Variants in DCC observed in about 807,000 individuals in gnomAD.
The protein encoded by DCC is DCC netrin 1 receptor.
DCC carries 58 observed loss-of-function variants against 172.5 expected under a neutral mutation model. The observed-to-expected ratio is 0.34, with a 90% confidence interval of 0.27 to 0.42. The LOEUF (loss-of-function observed/expected upper bound fraction) is 0.42, where lower values mean the gene tolerates loss of function less well. Ranked by LOEUF, DCC falls within the 10% of genes least tolerant of loss-of-function variation. The probability of loss-of-function intolerance (pLI) is 1.00; values close to 1 mark genes in which losing one functional copy is unlikely to be tolerated. For synonymous variants in DCC, 709 were observed against 644.5 expected, an observed-to-expected ratio of 1.10 and a Z score of -1.52; for missense variants, 1,740 against 1,791.0, an observed-to-expected ratio of 0.97 and a Z score of 0.51.
chr18:52,804,680 C>T (rs2038055719), intron 2 of DCC, among the ~76,000 whole-genome samples: 1 of 152,142 alleles, frequency 6.6e-6, no homozygotes, highest in Non-Finnish European at 1.5e-5. Flanking sequence ...GATTCTCCTG[C>T]TTGAACAGGA....
chr18:53,515,811 AATGGAAGAACATTCC>A (rs1246306979), intron 27 of DCC, among the ~76,000 whole-genome samples: 2 of 151,952 alleles, frequency 1.3e-5, no homozygotes, highest in Non-Finnish European at 2.9e-5. Flanking sequence ...GATACAAACA[AATGGAAGAACATTCC>A]ATGCTCATGG....
At chr18:52,794,794 TTTA>T (rs1568108579) in intron 2 of DCC, among the ~76,000 whole-genome samples, 1 of 151,998 alleles carries the variant, frequency 6.6e-6, no homozygotes, top group Non-Finnish European at 1.5e-5. Context: ...ATGGTCTTTC[TTTA>T]TTATTTTGAA....
At chr18:52,909,321 T>C (rs959426774) in intron 3 of DCC, among the ~76,000 whole-genome samples, 4 of 152,174 alleles carry the variant, frequency 2.6e-5, no homozygotes, top group African/African-American at 9.7e-5. Flanking sequence ...CTATTCAACA[T>C]GGTACCAGAA....
At chr18:52,842,176 T>C (rs1167720319) in intron 2 of DCC, among the ~76,000 whole-genome samples, 1 of 152,122 alleles carries the variant, frequency 6.6e-6, no homozygotes, top group Non-Finnish European at 1.5e-5. Flanking sequence ...CAAACATAAT[T>C]TCTTGTTTTT....
At chr18:53,267,017 TTTG>T (rs1198544595) in intron 12 of DCC, among the ~76,000 whole-genome samples, 5 of 152,000 alleles carry the variant, frequency 3.3e-5, no homozygotes, top group African/African-American at 1.2e-4. Context: ...AATGCGTGTT[TTTG>T]TTTCTTTTTG....
At chr18:53,035,532 G>T (rs2143975609) in intron 5 of DCC, among the ~76,000 whole-genome samples, 1 of 152,112 alleles carries the variant, frequency 6.6e-6, no homozygotes, top group African/African-American at 2.4e-5. Flanking sequence ...TAATATAATT[G>T]TTATTTGAGA....
intron 12 of DCC, among the ~76,000 whole-genome samples, chr18:53,291,530 A>C (rs2057004711): frequency 6.6e-6 from 1 of 152,198 alleles, no homozygotes; most frequent in Admixed American, 6.5e-5. Context: ...AACACAAAGG[A>C]AATAAGAAAT....
At chr18:52,734,260 C>G (rs1163602391) in intron 1 of DCC, among the ~76,000 whole-genome samples, 1 of 152,096 alleles carries the variant, frequency 6.6e-6, no homozygotes, top group Non-Finnish European at 1.5e-5. Flanking sequence ...AGTCTCCTTT[C>G]AGTATCAGAA....
intron 2 of DCC, among the ~76,000 whole-genome samples, chr18:52,895,987 G>T (rs1026436862): frequency 2.0e-5 from 3 of 152,110 alleles, no homozygotes; most frequent in African/African-American, 7.2e-5. Flanking sequence ...GTTTCACCTT[G>T]TTGGCCAGGC....
At chr18:52,735,424 T>A (rs1475184632) in intron 1 of DCC, among the ~76,000 whole-genome samples, 3 of 152,070 alleles carry the variant, frequency 2.0e-5, no homozygotes, top group African/African-American at 7.2e-5. Context: ...ACGGGATAGA[T>A]GAATATATGA....
intron 7 of DCC, among the ~76,000 whole-genome samples, chr18:53,124,385 G>T (rs1177791177): frequency 6.6e-6 from 1 of 152,010 alleles, no homozygotes; most frequent in Non-Finnish European, 1.5e-5. Context: ...TTAGTTTCAA[G>T]TTCTATCAAG....
In DCC at chr18:52,806,723, T is replaced by C. The variant is rs564810160; in HGVS notation, c.412+54349T>C. ...GTCACTTTATGGCTTCTTCCGGTTGTCATGATTGTAAACTATCATGGCAGT... is the reference window on the plus strand; with the variant it reads ...GTCACTTTATGGCTTCTTCCGGTTGCCATGATTGTAAACTATCATGGCAGT... On this transcript the variant is annotated intron_variant, in intron 2 of 28. Coordinates refer to ENST00000442544, the MANE Select transcript of DCC (RefSeq NM_005215.4). 3.3e-5 allele frequency among the ~76,000 whole-genome samples: 5 copies of C among 152,306 alleles called. No individual in the cohort carries two copies. The South Asian group carries it at 1.0e-3, about 32-fold the overall frequency.
At chr18:53,517,449 A>AATT (rs1294845090) in intron 27 of DCC, among the ~76,000 whole-genome samples, 2 of 140,838 alleles carry the variant, frequency 1.4e-5, no homozygotes, top group African/African-American at 5.6e-5. Flanking sequence ...AAAATATAAT[A>AATT]ATAATAATAA....
chr18:52,859,134 A>C (rs1378098773), intron 2 of DCC, among the ~76,000 whole-genome samples: 1 of 140,130 alleles, frequency 7.1e-6, no homozygotes, highest in African/African-American at 3.0e-5. Flanking sequence ...CTGTCTCTGC[A>C]AAAAAAAAAT....
At chr18:52,747,957 C>T (rs1305737907) in intron 1 of DCC, among the ~76,000 whole-genome samples, 2 of 152,218 alleles carry the variant, frequency 1.3e-5, no homozygotes, top group African/African-American at 4.8e-5. Flanking sequence ...ACGCAGCGCT[C>T]CTGCCTGGGC....
intron 20 of DCC, among the ~76,000 whole-genome samples, chr18:53,411,657 C>T (rs1203572765): frequency 6.6e-6 from 1 of 152,116 alleles, no homozygotes; most frequent in African/African-American, 2.4e-5. Context: ...GATGAGTGAG[C>T]TATTCAAAAG....
intron 1 of DCC, among the ~76,000 whole-genome samples, chr18:52,631,765 C>A (rs1345268430): frequency 6.6e-6 from 1 of 152,180 alleles, no homozygotes; most frequent in African/African-American, 2.4e-5. Context: ...GATCTTCTCA[C>A]CTCAATTGGG....
At chr18:52,699,637 G>A (rs1415658707) in intron 1 of DCC, among the ~76,000 whole-genome samples, 1 of 152,160 alleles carries the variant, frequency 6.6e-6, no homozygotes, top group African/African-American at 2.4e-5. Context: ...AATGTCCATG[G>A]CATGGATAAT....
intron 1 of DCC, among the ~76,000 whole-genome samples, chr18:52,676,693 C>G (rs1303112930): frequency 6.6e-6 from 1 of 152,174 alleles, no homozygotes; most frequent in African/African-American, 2.4e-5. Context: ...AGACATCACC[C>G]TGTCCCAAGT....
Sources: allele counts gnomAD v4.1 joint callset (sites outside exome capture counted in the v4.1 genomes callset), GRCh38; gene constraint gnomAD v4.1.1; transcripts MANE v1.5; gene names NCBI Gene and HGNC (gene_info 2026-07-23, HGNC 2026-07-21).